LOXL4: variants seen among roughly 807,000 people sequenced by gnomAD.
LOXL4 encodes the protein lysyl oxidase homolog 4.
In LOXL4, 72 loss-of-function variants were observed where a neutral mutation model predicts 89.1. That is an observed-to-expected ratio of 0.81 (90% CI 0.67 to 0.98). LOXL4 has a LOEUF of 0.98. Among genes scored for constraint, LOXL4 ranks in the 50% least tolerant of loss-of-function variants. The pLI is 0.00. For synonymous variants in LOXL4, 355 were observed against 392.1 expected (o/e 0.91, Z 1.12); for missense variants, 984 against 1,017.5 (o/e 0.97, Z 0.45).
rs148197591 is a variant in LOXL4, at chr10:98,257,264, C to T, written c.1261-317G>A. ...TCCCTTGCCTCATTCACAGTGACCC[C>T]CTGAGAGCGTGAACCCCATTTTACA... On this transcript the variant is annotated intron_variant, in intron 8 of 14. Transcript: ENST00000260702. Among the ~76,000 whole-genome samples, 240 of 152,316 alleles carry T rather than the reference C, an allele frequency of 1.6e-3. 1 individual carries two copies. Among genetic ancestry groups the T allele is most frequent in the African/African-American group, 5.6e-3 (233 of 41,560 alleles).
chr10:98,254,608 A>G (rs181764209), intron 10 of LOXL4, among the ~76,000 whole-genome samples: 1 of 152,384 alleles, frequency 6.6e-6, no homozygotes, highest in Admixed American at 6.5e-5. Flanking sequence ...GAGGAAAAAC[A>G]GGTGGTTACA....
intron 12 of LOXL4, chr10:98,252,015 G>T: frequency 2.1e-6 from 1 of 481,928 alleles, no homozygotes; most frequent in Non-Finnish European, 3.7e-6. Flanking sequence ...TTACCATGCA[G>T]TTCCTAAGGG....
At chr10:98,265,733 AC>A (rs1858668318) in intron 1 of LOXL4, among the ~76,000 whole-genome samples, 2 of 152,202 alleles carry the variant, frequency 1.3e-5, no homozygotes, top group Non-Finnish European at 1.5e-5. Flanking sequence ...TGTGACAGCG[AC>A]GATAGAACCG....
Position 98,259,008 on chromosome 10 carries a change from C to T in LOXL4, c.921+1G>A, listed in dbSNP as rs1235196548. ...GTGAGTGCAGGATGCCCAGGGCTCA[C>T]CTCTGCCCAGGACCCTTTGCGTTGT... On this transcript the variant is annotated splice_donor_variant, in intron 6 of 14. Transcript: ENST00000260702. LOFTEE classifies it high-confidence loss of function. 1 of 1,537,814 alleles carries T rather than the reference C, an allele frequency of 6.5e-7. No individual in the cohort carries two copies.
intron 11 of LOXL4, 54 bp from the exon 12 acceptor site, chr10:98,252,522 G>T: frequency 7.8e-7 from 1 of 1,281,124 alleles, no homozygotes; most frequent in Non-Finnish European, 1.1e-6. Flanking sequence ...GGTCCTCTCT[G>T]GAGGGGCTGG....
Position 98,251,154 on chromosome 10 carries a change from T to A in LOXL4, c.2111A>T (p.Glu704Val), listed in dbSNP as rs752561194. The change falls in exon 14 of 15, where the codon GAA becomes GTA. Residue 704 changes from glutamate (E) to valine (V), a missense_variant. Glu to Val is a moderately radical substitution (Grantham distance 121). Transcript: ENST00000260702. ...IFQVIVNPHY[E>V]VAESDFSNNM... Reference sequence around the variant, plus strand: ...GTTGGAGAAATCTGACTCTGCCACTTCATAGTGGGGGTTCACAATCACCTA... The same window carrying A: ...GTTGGAGAAATCTGACTCTGCCACTACATAGTGGGGGTTCACAATCACCTA... The A allele has an allele frequency of 6.2e-6, 10 of 1,613,482 alleles. No individual in the cohort carries two copies. The South Asian group carries it at 1.1e-4, about 18-fold the overall frequency.
In LOXL4 at chr10:98,248,602, T is replaced by G. The variant is rs1234403013; in HGVS notation, c.*319A>C. The G allele has an allele frequency of 1.2e-5, 4 of 322,106 alleles. No homozygotes were observed. 20.0% of individuals were successfully genotyped at this position (322,106 alleles called of 1,614,324 possible). A position where few individuals can be genotyped will look rare whatever the true frequency, so the allele number is the denominator to read the frequency against. ...GGGCCATAGTCCATCCCTAAGAAAC[T>G]GAGAGCTCCTGAATCCCGGATCTCT... On this transcript the variant is annotated 3_prime_UTR_variant, in exon 15 of 15. Transcript: ENST00000260702.
At chr10:98,252,144 A>G in intron 12 of LOXL4, 1 of 557,570 alleles carries the variant, frequency 1.8e-6, no homozygotes, top group Non-Finnish European at 3.2e-6. Flanking sequence ...GTTTTAAAAG[A>G]AGAACAATGC....
chr10:98,252,778 G>A (rs1442220448), intron 11 of LOXL4, among the ~76,000 whole-genome samples: 1 of 152,180 alleles, frequency 6.6e-6, no homozygotes, highest in Non-Finnish European at 1.5e-5. Context: ...GGGGAGAGGC[G>A]GGGCACCGGG....
At position 98,262,960 on chromosome 10, in the gene LOXL4, A is replaced by T. The variant is rs201563673; in HGVS notation, c.60T>A (p.Pro20=). ...TGCCCAGTGACTGTGGCCTGCTGGG[A>T]GGGGGCTGGCCTAGCAGCAGCAGGA... ...FLFLLLLGQP[P]PSRPQSLGTT... Residue 20 remains proline, a synonymous_variant, in exon 2 of 15, where the codon CCT becomes CCA. Transcript: ENST00000260702. 160 of 1,613,486 alleles carry T rather than the reference A, an allele frequency of 9.9e-5. No individual in the cohort carries two copies. Among genetic ancestry groups the T allele is most frequent in the Non-Finnish European group, 1.3e-4 (156 of 1,180,012 alleles).
intron 1 of LOXL4, among the ~76,000 whole-genome samples, chr10:98,263,732 C>CA (rs1554861982): frequency 1.4e-5 from 2 of 138,870 alleles, no homozygotes; most frequent in Non-Finnish European, 3.1e-5. Context: ...TTCTTTCTTT[C>CA]TTTTTTTTTT....
rs139857672 is a variant in LOXL4, at chr10:98,262,778, G to A, written c.242C>T (p.Thr81Ile). 6 of 1,613,292 alleles carry A rather than the reference G, an allele frequency of 3.7e-6. No homozygotes were observed. The African/African-American group carries it at 8.0e-5, about 22-fold the overall frequency. The change falls in exon 2 of 15, where the codon ACC (threonine) becomes ATC (isoleucine). Residue 81 changes from threonine to isoleucine, a missense_variant. Physicochemically the swap from Thr to Ile is moderately conservative, Grantham distance 89. Coordinates refer to ENST00000260702, the MANE Select transcript of LOXL4 (RefSeq NM_032211.7). ...GCCGTACTTGGCACTGTGGGCCCAG[G>A]TCAAGGCAGCTTCGAAGCCCAGCTG... is the stretch of plus-strand genomic sequence containing the variant. Reference protein sequence around the residue: ...CRQLGFEAALTWAHSAKYGQG... With the variant: ...CRQLGFEAALIWAHSAKYGQG...
intron 6 of LOXL4, 61 bp downstream of exon 6, chr10:98,258,948 C>G (rs1858459295): frequency 7.3e-7 from 1 of 1,369,634 alleles, no homozygotes; most frequent in Non-Finnish European, 9.9e-7. Flanking sequence ...CACCCCCCAC[C>G]AGGCAGTGTC....
intron 4 of LOXL4, among the ~76,000 whole-genome samples, chr10:98,260,603 A>C (rs1858508905): frequency 6.6e-6 from 1 of 151,922 alleles, no homozygotes; most frequent in Admixed American, 6.5e-5. Flanking sequence ...TTTCCTGTTT[A>C]TTATTCTGAG....
intron 3 of LOXL4, 73 bp downstream of exon 3, chr10:98,261,962 C>G: frequency 1.4e-6 from 2 of 1,447,616 alleles, no homozygotes; most frequent in Non-Finnish European, 1.8e-6. Flanking sequence ...ATCCTCTAGG[C>G]CCGTCTTCTG....
chr10:98,258,084 C>T lies in LOXL4; in HGVS notation c.1002G>A (p.Thr334=), dbSNP rs761198812. The T allele has an allele frequency of 4.0e-5, 64 of 1,613,592 alleles. No homozygotes were observed. Among genetic ancestry groups the T allele is most frequent in the East Asian group, 6.7e-5 (3 of 44,892 alleles). ...VEVLMNRQWG[T]VCDHRWNLIS... is the part of the protein sequence containing the mutation. ...TGAGGTTCCACCTGTGGTCACAGAC[C>T]GTGCCCCACTGGCGGTTCATGAGCA... The change falls in exon 7 of 15, where the codon ACG becomes ACA. Residue 334 remains threonine, a synonymous_variant. Coordinates refer to ENST00000260702, the MANE Select transcript of LOXL4 (RefSeq NM_032211.7).
Position 98,248,797 on chromosome 10 carries a change from C to A in LOXL4, c.*124G>T. On this transcript the variant is annotated 3_prime_UTR_variant, in exon 15 of 15. Coordinates refer to ENST00000260702, the MANE Select transcript of LOXL4 (RefSeq NM_032211.7). Reference sequence around the variant, plus strand: ...TCTTGCCATCAAAAGGCTTCCTGAGCAGGTTCTTGGTGCCCCTTGGCACTG... The same window carrying A: ...TCTTGCCATCAAAAGGCTTCCTGAGAAGGTTCTTGGTGCCCCTTGGCACTG... 1.3e-6 allele frequency: 1 copy of A among 799,480 alleles called. No individual in the cohort carries two copies. Among genetic ancestry groups the A allele is most frequent in the South Asian group, 1.7e-5 (1 of 57,282 alleles). The allele number at this position is 799,480 out of a possible 1,614,324, so 49.5% of individuals were successfully genotyped here.
intron 4 of LOXL4, 54 bp from the exon 5 acceptor site, chr10:98,259,483 CT>C (rs1163587247): frequency 1.8e-5 from 27 of 1,495,182 alleles, no homozygotes; most frequent in Non-Finnish European, 3.7e-6. Flanking sequence ...GTCCCACCCC[CT>C]GCCACCTGGT....
intron 10 of LOXL4, among the ~76,000 whole-genome samples, chr10:98,254,652 C>T (rs771192041): frequency 2.2e-4 from 33 of 152,214 alleles, no homozygotes; most frequent in Non-Finnish European, 4.0e-4. Context: ...GCCAAGTTGT[C>T]GTGAAGGATC....
Sources: allele counts gnomAD v4.1 joint callset (sites outside exome capture counted in the v4.1 genomes callset), GRCh38; gene constraint gnomAD v4.1.1; transcripts MANE v1.5; gene names NCBI Gene and HGNC (gene_info 2026-07-23, HGNC 2026-07-21).